The following CENPW variants were observed in gnomAD, a reference collection of about 807,000 sequenced individuals.
The protein encoded by CENPW is cancer-up-regulated gene 2 protein.
CENPW carries 3 observed loss-of-function variants against 11.1 expected under a neutral mutation model. That is an observed-to-expected ratio of 0.27 (90% CI 0.12 to 0.70). CENPW has a LOEUF of 0.70. Among genes scored for constraint, CENPW ranks in the 30% least tolerant of loss-of-function variants. The pLI, the probability that CENPW is intolerant of heterozygous loss-of-function variation, is 0.77. For missense variants in CENPW, 100 were observed against 105.6 expected (o/e 0.95, Z 0.23); for synonymous variants, 38 against 42.0 (o/e 0.91, Z 0.37).
At chr6:126,404,210 G>C in the CENPW span, among the ~76,000 whole-genome samples, 4 of 152,042 alleles carry the variant, frequency 2.6e-5, no homozygotes, top group South Asian at 8.3e-4. Context: ...CTCTGATAGA[G>C]ATATAAAAGA....
At chr6:126,344,422 A>G (rs1226995296) in intron 1 of CENPW, among the ~76,000 whole-genome samples, 1 of 152,184 alleles carries the variant, frequency 6.6e-6, no homozygotes, top group Non-Finnish European at 1.5e-5. Context: ...TTCCCAGTCA[A>G]GTGGGATTTA....
the CENPW span, among the ~76,000 whole-genome samples, chr6:126,369,152 A>G: frequency 6.6e-6 from 1 of 151,632 alleles, no homozygotes; most frequent in East Asian, 1.9e-4. Context: ...TGGTGTGTGT[A>G]TATATATATA....
At chr6:126,433,948 TG>T in the CENPW span, among the ~76,000 whole-genome samples, 1 of 152,142 alleles carries the variant, frequency 6.6e-6, no homozygotes, top group African/African-American at 2.4e-5. Context: ...CTGTTTTATA[TG>T]AAAGTCAGAG....
At chr6:126,385,971 C>G in the CENPW span, among the ~76,000 whole-genome samples, 1 of 152,058 alleles carries the variant, frequency 6.6e-6, no homozygotes, top group Non-Finnish European at 1.5e-5. Context: ...GCTAAACTTT[C>G]AGATAACTAG....
the CENPW span, among the ~76,000 whole-genome samples, chr6:126,435,020 C>A: frequency 1.4e-4 from 22 of 152,046 alleles, 1 homozygote; most frequent in South Asian, 4.1e-3. Context: ...TCAATTATGG[C>A]CCCTCCTGCT....
At chr6:126,444,221 T>G in the CENPW span, among the ~76,000 whole-genome samples, 1 of 150,998 alleles carries the variant, frequency 6.6e-6, no homozygotes, top group Non-Finnish European at 1.5e-5. Context: ...CATATGTAGC[T>G]TAAAGTATTT....
chr6:126,340,463 A>G lies in CENPW; in HGVS notation c.126+64A>G, dbSNP rs745424998. 2.5e-6 allele frequency: 4 copies of G among 1,611,348 alleles called. No homozygotes were observed. In the African/African-American group the frequency reaches 4.0e-5, roughly 16 times the overall value. On this transcript the variant is annotated intron_variant, in intron 1 of 2. Transcript: ENST00000368328. ...GGGAGAGGTAAGGGCAATAACCTTAAGCCTTTGTTTTTCCGCCCCGAGCCA... is the reference window on the plus strand; with the variant it reads ...GGGAGAGGTAAGGGCAATAACCTTAGGCCTTTGTTTTTCCGCCCCGAGCCA...
the CENPW span, among the ~76,000 whole-genome samples, chr6:126,446,514 A>G: frequency 1.3e-5 from 2 of 151,310 alleles, no homozygotes; most frequent in African/African-American, 2.4e-5. Context: ...AAATCCTTTT[A>G]AATAACAGAG....
the CENPW span, among the ~76,000 whole-genome samples, chr6:126,366,035 A>T: frequency 6.6e-6 from 1 of 152,338 alleles, no homozygotes; most frequent in South Asian, 2.1e-4. Flanking sequence ...CCCTACTAGC[A>T]TTAAAGTTTA....
chr6:126,353,358 CAG>C (rs1400063282), downstream of CENPW, among the ~76,000 whole-genome samples: 1 of 151,288 alleles, frequency 6.6e-6, no homozygotes, highest in African/African-American at 2.4e-5. Flanking sequence ...ATATTTTCAT[CAG>C]ATAGGAAAGT....
the CENPW span, among the ~76,000 whole-genome samples, chr6:126,358,373 A>C: frequency 6.6e-6 from 1 of 152,116 alleles, no homozygotes; most frequent in Non-Finnish European, 1.5e-5. Flanking sequence ...ATTTTGGGGC[A>C]TGCTCCTTAG....
the CENPW span, among the ~76,000 whole-genome samples, chr6:126,364,240 T>A: frequency 1.0e-3 from 156 of 152,258 alleles, no homozygotes; most frequent in African/African-American, 3.3e-3. Context: ...AGTGGATGAG[T>A]GATAGAAACG....
At chr6:126,449,258 C>A in the CENPW span, among the ~76,000 whole-genome samples, 1 of 151,042 alleles carries the variant, frequency 6.6e-6, no homozygotes, top group Admixed American at 6.6e-5. Flanking sequence ...AAAATCATAA[C>A]CCTTATCACA....
At chr6:126,348,264 A>C (rs990352997) in intron 2 of CENPW, among the ~76,000 whole-genome samples, 1 of 152,032 alleles carries the variant, frequency 6.6e-6, no homozygotes, top group Non-Finnish European at 1.5e-5. Flanking sequence ...ATTCATTGAG[A>C]TAAGACTGTT....
At chr6:126,429,494 G>A in the CENPW span, among the ~76,000 whole-genome samples, 2 of 151,970 alleles carry the variant, frequency 1.3e-5, no homozygotes, top group African/African-American at 4.8e-5. Context: ...ACTCTCTCTT[G>A]TTCCTGCTTT....
At chr6:126,362,116 A>G in the CENPW span, among the ~76,000 whole-genome samples, 10 of 152,188 alleles carry the variant, frequency 6.6e-5, no homozygotes, top group Non-Finnish European at 5.9e-5. Flanking sequence ...GAGGGCCTGT[A>G]GAACTGATGC....
the CENPW span, among the ~76,000 whole-genome samples, chr6:126,394,224 A>G: frequency 2.1e-5 from 3 of 145,930 alleles, no homozygotes; most frequent in Non-Finnish European, 4.6e-5. Context: ...TTTTTTTTCT[A>G]TCTTCCTTTT....
chr6:126,404,093 AG>A, the CENPW span, among the ~76,000 whole-genome samples: 1 of 152,100 alleles, frequency 6.6e-6, no homozygotes, highest in Non-Finnish European at 1.5e-5. Context: ...ATCTGTTGAC[AG>A]CATGGTTTAC....
chr6:126,453,682 A>G, the CENPW span, among the ~76,000 whole-genome samples: 1 of 151,196 alleles, frequency 6.6e-6, no homozygotes. Flanking sequence ...TGATATGAGG[A>G]CAAGATCAAA....
Sources: allele counts gnomAD v4.1 joint callset (sites outside exome capture counted in the v4.1 genomes callset), GRCh38; gene constraint gnomAD v4.1.1; transcripts MANE v1.5; gene names NCBI Gene and HGNC (gene_info 2026-07-23, HGNC 2026-07-21).